The following VPS13B variants were observed in gnomAD, a reference collection of about 807,000 sequenced individuals.
VPS13B encodes intermembrane lipid transfer protein VPS13B.
In VPS13B, 285 loss-of-function variants were observed where a neutral mutation model predicts 426.4. That is an observed-to-expected ratio of 0.67 (90% CI 0.61 to 0.74). The LOEUF (loss-of-function observed/expected upper bound fraction) is 0.74. VPS13B is among the 30% of genes least tolerant of loss of function. The probability of loss-of-function intolerance (pLI) is 0.00; values close to 1 mark genes in which losing one functional copy is unlikely to be tolerated. For missense variants in VPS13B, 4,537 were observed against 4,782.6 expected (o/e 0.95, Z 1.51); for synonymous variants, 1,676 against 1,676.4 (o/e 1.00, Z 0.01).
chr8:99,234,258 A>G (rs779949424), intron 17 of VPS13B: 1 of 769,770 alleles, frequency 1.3e-6, no homozygotes, highest in African/African-American at 1.7e-5. Flanking sequence ...CTTGTTGCAT[A>G]TGTGACATTG....
intron 33 of VPS13B, among the ~76,000 whole-genome samples, chr8:99,625,584 A>T (rs1284598444): frequency 6.6e-6 from 1 of 152,000 alleles, no homozygotes; most frequent in African/African-American, 2.4e-5. Context: ...ACCAGGCACA[A>T]TGGCTCACAC....
chr8:99,714,658 G>A (rs1234307959), intron 36 of VPS13B, among the ~76,000 whole-genome samples: 2 of 152,096 alleles, frequency 1.3e-5, no homozygotes, highest in Non-Finnish European at 2.9e-5. Context: ...CCAATATGAC[G>A]CACTAAGGGG....
At chr8:99,587,185 G>T (rs1399030671) in intron 33 of VPS13B, among the ~76,000 whole-genome samples, 2 of 152,128 alleles carry the variant, frequency 1.3e-5, no homozygotes, top group Non-Finnish European at 2.9e-5. Flanking sequence ...GTATTCCATG[G>T]TGTATATATG....
chr8:99,585,754 C>T (rs2133827081), intron 33 of VPS13B, among the ~76,000 whole-genome samples: 1 of 152,194 alleles, frequency 6.6e-6, no homozygotes, highest in South Asian at 2.1e-4. Context: ...ATACTTTCCC[C>T]CTGAAATCAA....
chr8:99,245,899 T>C (rs1299506219), intron 17 of VPS13B, among the ~76,000 whole-genome samples: 1 of 152,222 alleles, frequency 6.6e-6, no homozygotes, highest in African/African-American at 2.4e-5. Context: ...TGTCTCTCAT[T>C]TCAGTTTTTC....
intron 33 of VPS13B, among the ~76,000 whole-genome samples, chr8:99,627,190 A>G (rs978522369): frequency 1.3e-5 from 2 of 152,138 alleles, no homozygotes; most frequent in African/African-American, 2.4e-5. Flanking sequence ...AAGTTTTGAG[A>G]ATCTATTGGA....
chr8:99,777,782 A>G (rs572877749), intron 41 of VPS13B, among the ~76,000 whole-genome samples: 1 of 152,240 alleles, frequency 6.6e-6, no homozygotes, highest in Non-Finnish European at 1.5e-5. Flanking sequence ...TTTCCCACAC[A>G]CCAAAAGTGG....
At chr8:99,444,809 A>G (rs2133445546) in intron 23 of VPS13B, among the ~76,000 whole-genome samples, 1 of 152,162 alleles carries the variant, frequency 6.6e-6, no homozygotes, top group Admixed American at 6.5e-5. Context: ...GACTACAGGC[A>G]CACACTACCA....
chr8:99,847,622 G>A (rs1246847165), intron 54 of VPS13B, among the ~76,000 whole-genome samples: 1 of 152,178 alleles, frequency 6.6e-6, no homozygotes, highest in African/African-American at 2.4e-5. Flanking sequence ...GAGCTGGAGG[G>A]GCTGGGCTGC....
At chr8:99,832,673 T>C in intron 52 of VPS13B, 21 bp downstream of exon 52, 1 of 1,611,930 alleles carries the variant, frequency 6.2e-7, no homozygotes, top group Non-Finnish European at 8.5e-7. Context: ...TTTATATAAA[T>C]GTCTGTTCTT....
chr8:99,726,838 G>T (rs1286759466), intron 39 of VPS13B, among the ~76,000 whole-genome samples: 2 of 152,146 alleles, frequency 1.3e-5, no homozygotes, highest in African/African-American at 4.8e-5. Flanking sequence ...TTACAGGCAT[G>T]AGCCACCAAA....
chr8:99,373,377 G>A (rs1246563960), intron 19 of VPS13B, among the ~76,000 whole-genome samples: 1 of 149,924 alleles, frequency 6.7e-6, no homozygotes, highest in Non-Finnish European at 1.5e-5. Flanking sequence ...TGTCAAAGCT[G>A]TCTATAATTA....
At chr8:99,196,222 T>TTTTA (rs566609905) in intron 17 of VPS13B, among the ~76,000 whole-genome samples, 32 of 152,266 alleles carry the variant, frequency 2.1e-4, no homozygotes, top group African/African-American at 7.2e-4. Context: ...TTTTAGTTTC[T>TTTTA]TTTATCAGTG....
chr8:99,125,240 C>T (rs963525080), intron 8 of VPS13B, among the ~76,000 whole-genome samples: 4 of 152,172 alleles, frequency 2.6e-5, no homozygotes, highest in Non-Finnish European at 5.9e-5. Flanking sequence ...CCTGGCAAAC[C>T]ACAGGTGTAA....
intron 19 of VPS13B, among the ~76,000 whole-genome samples, chr8:99,371,564 T>C (rs1032537248): frequency 6.6e-6 from 1 of 152,258 alleles, no homozygotes; most frequent in South Asian, 2.1e-4. Context: ...GTCTTGGCTA[T>C]ATGGGCCATG....
intron 16 of VPS13B, among the ~76,000 whole-genome samples, chr8:99,188,404 T>C (rs933835203): frequency 2.0e-5 from 3 of 152,226 alleles, no homozygotes; most frequent in Non-Finnish European, 4.4e-5. Context: ...ATATAGCATG[T>C]ATCAGTATTT....
intron 33 of VPS13B, among the ~76,000 whole-genome samples, chr8:99,629,559 G>A (rs531009517): frequency 6.6e-6 from 1 of 152,262 alleles, no homozygotes; most frequent in South Asian, 2.1e-4. Context: ...GCCTCTCGGA[G>A]GAAAATGGAC....
At chr8:99,857,027 C>T (rs1308861941) in intron 56 of VPS13B, among the ~76,000 whole-genome samples, 1 of 152,164 alleles carries the variant, frequency 6.6e-6, no homozygotes, top group Admixed American at 6.5e-5. Flanking sequence ...CAGGCAGACT[C>T]CCTTCTTCAA....
chr8:99,514,985 C>T (rs2133647611), intron 29 of VPS13B, among the ~76,000 whole-genome samples: 1 of 152,334 alleles, frequency 6.6e-6, no homozygotes, highest in Non-Finnish European at 1.5e-5. Flanking sequence ...AGCATAGCAG[C>T]ACCTGTGTGC....
Sources: gnomAD v4.1 joint callset for allele counts (sites outside exome capture counted in the v4.1 genomes callset) on GRCh38, gnomAD v4.1.1 for gene constraint, MANE v1.5 for transcripts, NCBI Gene and HGNC (gene_info 2026-07-23, HGNC 2026-07-21) for gene names.